ATP9B: variants seen among roughly 807,000 people sequenced by gnomAD.
The protein encoded by ATP9B is probable phospholipid-transporting ATPase IIB.
A neutral mutation model predicts 146.1 loss-of-function variants in ATP9B; 110 were observed. That is an observed-to-expected ratio of 0.75 (90% CI 0.65 to 0.88). ATP9B has a LOEUF of 0.88. ATP9B is among the 40% of genes least tolerant of loss of function. The pLI is 0.00. For synonymous variants in ATP9B, 604 were observed against 569.7 expected (o/e 1.06, Z -0.86); for missense variants, 1,499 against 1,496.4 (o/e 1.00, Z -0.03).
rs1245570188 is a variant in ATP9B at position 79,092,669 on chromosome 18, C to T, written c.120-3807C>T. ...TTTTTTTTTTTTTTTTGGTTAAAAA[C>T]GGAAACAAAAACACACATATTAGTC... On this transcript the variant is annotated intron_variant, in intron 1 of 29. Transcript: ENST00000426216. 1.3e-4 allele frequency among the ~76,000 whole-genome samples: 10 copies of T among 75,176 alleles called. No homozygotes were observed. The South Asian group carries it at 3.0e-3, about 23-fold the overall frequency. 49.3% of individuals were successfully genotyped at this position (75,176 alleles called of 152,430 possible). A position where few individuals can be genotyped will look rare whatever the true frequency, so the allele number is the denominator to read the frequency against.
At chr18:79,271,977 C>T (rs1384354788) in intron 12 of ATP9B, among the ~76,000 whole-genome samples, 1 of 152,214 alleles carries the variant, frequency 6.6e-6, no homozygotes, top group African/African-American at 2.4e-5. Context: ...ATTTGCATTT[C>T]TCTGATGACC....
chr18:79,103,661 G>A (rs1277203492), intron 2 of ATP9B, among the ~76,000 whole-genome samples: 1 of 152,058 alleles, frequency 6.6e-6, no homozygotes, highest in Non-Finnish European at 1.5e-5. Context: ...ATTCAGACGA[G>A]GGCTGAAAAA....
At chr18:79,204,857 G>A (rs1020953916) in intron 9 of ATP9B, among the ~76,000 whole-genome samples, 2 of 152,152 alleles carry the variant, frequency 1.3e-5, no homozygotes, top group African/African-American at 2.4e-5. Flanking sequence ...AGATCATATT[G>A]TAGATGACGT....
At chr18:79,301,718 A>G (rs900741118) in intron 13 of ATP9B, among the ~76,000 whole-genome samples, 1 of 152,362 alleles carries the variant, frequency 6.6e-6, no homozygotes, top group East Asian at 1.9e-4. Flanking sequence ...CAAGGTATAC[A>G]GAGCACAGCC....
intron 7 of ATP9B, among the ~76,000 whole-genome samples, chr18:79,163,179 T>G (rs1041834045): frequency 2.6e-5 from 4 of 152,242 alleles, no homozygotes; most frequent in African/African-American, 9.6e-5. Flanking sequence ...GTTCATTCTT[T>G]CTCTCTTTAA....
At chr18:79,089,109 G>A (rs1262268671) in intron 1 of ATP9B, among the ~76,000 whole-genome samples, 1 of 152,150 alleles carries the variant, frequency 6.6e-6, no homozygotes, top group Non-Finnish European at 1.5e-5. Context: ...GATGCAGGGG[G>A]AAAGGTTGGG....
chr18:79,080,716 C>T (rs770042335), intron 1 of ATP9B, among the ~76,000 whole-genome samples: 68 of 152,318 alleles, frequency 4.5e-4, no homozygotes, highest in Middle Eastern at 3.4e-3. Flanking sequence ...AAAGGGAATG[C>T]TTCCAGCTTT....
At chr18:79,209,688 G>A (rs894678058) in intron 10 of ATP9B, 13 of 984,888 alleles carry the variant, frequency 1.3e-5, no homozygotes, top group Admixed American at 6.2e-5. Context: ...CATGAAGACG[G>A]CTTTAAAACC....
chr18:79,246,787 A>C (rs1470642362), intron 11 of ATP9B, among the ~76,000 whole-genome samples: 1 of 152,208 alleles, frequency 6.6e-6, no homozygotes, highest in African/African-American at 2.4e-5. Flanking sequence ...ACTCTGAGAC[A>C]GATGACTCTG....
At chr18:79,090,043 C>T (rs992344961) in intron 1 of ATP9B, among the ~76,000 whole-genome samples, 1 of 152,142 alleles carries the variant, frequency 6.6e-6, no homozygotes, top group African/African-American at 2.4e-5. Flanking sequence ...CTGTACTTGG[C>T]TTATTTTACT....
intron 1 of ATP9B, among the ~76,000 whole-genome samples, chr18:79,092,425 C>T (rs2074403503): frequency 6.6e-6 from 1 of 152,098 alleles, no homozygotes; most frequent in Non-Finnish European, 1.5e-5. Context: ...CATAAAAAAT[C>T]ATACAGGACA....
At chr18:79,227,082 G>C (rs1266264310) in intron 11 of ATP9B, among the ~76,000 whole-genome samples, 1 of 152,096 alleles carries the variant, frequency 6.6e-6, no homozygotes, top group Non-Finnish European at 1.5e-5. Context: ...GCTATAACCT[G>C]TTACTTTCCT....
chr18:79,265,782 C>G (rs1204167621), intron 12 of ATP9B, among the ~76,000 whole-genome samples: 2 of 151,914 alleles, frequency 1.3e-5, no homozygotes, highest in Non-Finnish European at 2.9e-5. Context: ...ATGCCTGTGT[C>G]CTTGATGTCT....
intron 12 of ATP9B, among the ~76,000 whole-genome samples, chr18:79,263,514 T>A (rs925253790): frequency 6.6e-6 from 1 of 152,224 alleles, no homozygotes; most frequent in African/African-American, 2.4e-5. Context: ...TGAATTAGTT[T>A]TTCCTGTTTT....
At chr18:79,171,979 C>A (rs375202619) in intron 7 of ATP9B, among the ~76,000 whole-genome samples, 12 of 152,210 alleles carry the variant, frequency 7.9e-5, no homozygotes, top group East Asian at 3.9e-4. Context: ...ATTTCCGCCT[C>A]CTGGGTTCAA....
chr18:79,331,272 A>G lies in ATP9B; in HGVS notation c.2028+1168A>G, dbSNP rs114891905. Among the ~76,000 whole-genome samples, 486 of 152,304 alleles carry G rather than the reference A, an allele frequency of 3.2e-3. 3 individuals are homozygous for G. Among genetic ancestry groups the G allele is most frequent in the African/African-American group, 0.011 (460 of 41,568 alleles). On this transcript the variant is annotated intron_variant, in intron 17 of 29. Transcript: ENST00000426216. ...GCAACGGTAGTGGCAATATGAATCAATATCTCCTTCGGGGTGGTTTGATTT... is the reference window on the plus strand; with the variant it reads ...GCAACGGTAGTGGCAATATGAATCAGTATCTCCTTCGGGGTGGTTTGATTT...
intron 9 of ATP9B, among the ~76,000 whole-genome samples, chr18:79,201,753 A>G (rs1275474234): frequency 6.6e-6 from 1 of 152,048 alleles, no homozygotes; most frequent in African/African-American, 2.4e-5. Flanking sequence ...TATTTTTAGT[A>G]GAGACGGGGT....
chr18:79,182,395 C>G (rs1600232917), intron 8 of ATP9B, among the ~76,000 whole-genome samples: 1 of 152,216 alleles, frequency 6.6e-6, no homozygotes, highest in East Asian at 1.9e-4. Context: ...CTGTTTCTTC[C>G]TTGCCTCTTT....
chr18:79,365,447 T>C (rs2097020960), intron 26 of ATP9B, among the ~76,000 whole-genome samples: 1 of 152,256 alleles, frequency 6.6e-6, no homozygotes, highest in Non-Finnish European at 1.5e-5. Context: ...AGTTTGGGCA[T>C]TTCTTACAAA....
Sources: allele counts gnomAD v4.1 joint callset (sites outside exome capture counted in the v4.1 genomes callset), GRCh38; gene constraint gnomAD v4.1.1; transcripts MANE v1.5; gene names NCBI Gene and HGNC (gene_info 2026-07-23, HGNC 2026-07-21).